The following STK26 variants were observed in gnomAD, a reference collection of about 807,000 sequenced individuals.
The protein encoded by STK26 is serine/threonine kinase 26, also known as serine/threonine-protein kinase 26.
Under a neutral mutation model 34.7 loss-of-function variants are expected in STK26, and 14 were observed. The ratio of observed to expected loss-of-function variants is 0.40; its 90% confidence interval spans 0.27 to 0.63. STK26 has a LOEUF of 0.63. STK26 is among the 30% of genes least tolerant of loss of function. The probability of loss-of-function intolerance (pLI) is 0.38; values close to 1 mark genes in which losing one functional copy is unlikely to be tolerated. For missense variants in STK26, 226 were observed against 309.1 expected (o/e 0.73, Z 2.02); for synonymous variants, 100 against 109.8 (o/e 0.91, Z 0.56).
At chrX:132,034,521 C>T (rs1319243377) in intron 2 of STK26, among the ~76,000 whole-genome samples, 1 of 109,527 alleles carries the variant, frequency 9.1e-6, no homozygotes, top group Non-Finnish European at 1.9e-5. Flanking sequence ...GTCTCGATCT[C>T]CTGACCTCGT....
At chrX:132,050,210 T>G (rs1569331580) in intron 2 of STK26, among the ~76,000 whole-genome samples, 2 of 111,605 alleles carry the variant, frequency 1.8e-5, no homozygotes, top group East Asian at 5.6e-4. Context: ...TGACCCATTT[T>G]CTACTAACTA....
chrX:132,069,631 A>G lies in STK26; in HGVS notation c.751A>G (p.Ile251Val). ...GDFTKSFKEF[I>V]DACLNKDPSF... ...CTTTACTAAGTCTTTTAAGGAGTTT[A>G]TTGATGCTTGCCTGAACAAAGATCC... is the stretch of plus-strand genomic sequence containing the variant. Residue 251 changes from isoleucine (I) to valine (V), a missense_variant, in exon 7 of 12, where the codon ATT becomes GTT. Physicochemically the swap from Ile to Val is conservative, Grantham distance 29 (BLOSUM62 3). This residue lies in a region of STK26 where 126 missense variants were observed against 132.4 expected (regional missense o/e 0.95). Transcript: ENST00000394334. 8.7e-7 allele frequency: 1 copy of G among 1,152,044 alleles called. No individual in the cohort carries two copies. The highest frequency in any genetic ancestry group is 1.2e-6 in the Non-Finnish European group (1 of 867,338). The allele number at this position is 1,152,044 out of a possible 1,213,427, so 94.9% of individuals were successfully genotyped here. A position where few individuals can be genotyped will look rare whatever the true frequency, so the allele number is the denominator to read the frequency against.
At chrX:132,046,085 G>A (rs1926489488) in intron 2 of STK26, among the ~76,000 whole-genome samples, 1 of 111,943 alleles carries the variant, frequency 8.9e-6, no homozygotes, top group South Asian at 3.7e-4. Context: ...AATGTGATAT[G>A]TGGTTAAGTG....
At chrX:132,031,111 A>AT (rs991461125) in intron 2 of STK26, among the ~76,000 whole-genome samples, 1 of 110,137 alleles carries the variant, frequency 9.1e-6, no homozygotes, top group East Asian at 2.9e-4. Context: ...TAATTTTTGT[A>AT]TTTTTTTGTA....
intron 2 of STK26, 41 bp from the exon 3 acceptor site, chrX:132,054,590 C>T: frequency 9.1e-7 from 1 of 1,102,079 alleles, no homozygotes; most frequent in Non-Finnish European, 1.2e-6. Context: ...TGATTCAAAA[C>T]ATTTGTGTTC....
Position 132,054,664 on chromosome X carries a change from A to G in STK26, c.76A>G (p.Lys26Glu), listed in dbSNP as rs1926797486. 2 of 1,210,285 alleles carry G rather than the reference A, an allele frequency of 1.7e-6. No individual in the cohort carries two copies. Among genetic ancestry groups the G allele is most frequent in the East Asian group, 3.0e-5 (1 of 33,792 alleles). Reference sequence around the variant, plus strand: ...AGCTGATCCAGAAGAACTGTTCACAAAATTAGAGCGCATTGGGAAAGGCTC... The same window carrying G: ...AGCTGATCCAGAAGAACTGTTCACAGAATTAGAGCGCATTGGGAAAGGCTC... Reference protein sequence around the residue: ...NIADPEELFTKLERIGKGSFG... With the variant: ...NIADPEELFTELERIGKGSFG... Residue 26 changes from lysine to glutamate, a missense_variant, in exon 3 of 12, where the codon AAA (lysine) becomes GAA (glutamate). By Grantham distance (56) the Lys-to-Glu change is moderately conservative. Coordinates refer to ENST00000394334, the MANE Select transcript of STK26 (RefSeq NM_016542.4).
At chrX:132,060,611 T>G (rs1229789210) in intron 3 of STK26, among the ~76,000 whole-genome samples, 1 of 109,508 alleles carries the variant, frequency 9.1e-6, no homozygotes. Flanking sequence ...TTTTGTTTTG[T>G]TTTTTTGTTT....
At chrX:132,053,256 G>A (rs1279419473) in intron 2 of STK26, among the ~76,000 whole-genome samples, 2 of 111,699 alleles carry the variant, frequency 1.8e-5, no homozygotes, top group Non-Finnish European at 3.8e-5. Context: ...TATATGGAAA[G>A]CACAACTTTT....
intron 2 of STK26, among the ~76,000 whole-genome samples, chrX:132,044,671 C>CTATATA (rs1247702257): frequency 2.3e-4 from 9 of 38,436 alleles, no homozygotes; most frequent in South Asian, 1.2e-3. Flanking sequence ...CTCTCGAGAT[C>CTATATA]TATATATATA....
At chrX:132,048,360 A>AG (rs1926571649) in intron 2 of STK26, among the ~76,000 whole-genome samples, 3 of 111,940 alleles carry the variant, frequency 2.7e-5, no homozygotes, top group Non-Finnish European at 5.6e-5. Flanking sequence ...GATAGTACAG[A>AG]GTAGACATTA....
At chrX:132,043,074 T>C (rs1926322837) in intron 2 of STK26, among the ~76,000 whole-genome samples, 1 of 112,024 alleles carries the variant, frequency 8.9e-6, no homozygotes. Flanking sequence ...GTTAATAATT[T>C]AGTGCTGTGC....
chrX:132,073,909 T>A lies in STK26; in HGVS notation c.1227-226T>A, dbSNP rs1338473168. 2.7e-5 allele frequency among the ~76,000 whole-genome samples: 3 copies of A among 111,701 alleles called. No individual in the cohort carries two copies. The East Asian group carries it at 8.4e-4, about 31-fold the overall frequency. ...TAACCCCCTCTTAAAATCCCTTATA[T>A]TTTAATGAAAACCCCCCATTTGAAA... On this transcript the variant is annotated intron_variant, in intron 11 of 11. Coordinates refer to ENST00000394334, the MANE Select transcript of STK26 (RefSeq NM_016542.4).
intron 2 of STK26, among the ~76,000 whole-genome samples, chrX:132,023,970 G>T (rs1028667489): frequency 5.4e-5 from 6 of 110,826 alleles, no homozygotes. Context: ...GGTTGGGGAT[G>T]GGGGGGCGGA....
chrX:132,042,324 T>C (rs1223594291), intron 2 of STK26, among the ~76,000 whole-genome samples: 2 of 111,208 alleles, frequency 1.8e-5, no homozygotes, highest in Admixed American at 9.6e-5. Flanking sequence ...ATGAGTGGTA[T>C]TCCCTATGCA....
intron 7 of STK26, 125 bp downstream of exon 7, chrX:132,069,788 C>T (rs1262871774): frequency 2.7e-6 from 1 of 368,083 alleles, no homozygotes; most frequent in African/African-American, 2.7e-5. Flanking sequence ...ATCCAGGAAC[C>T]TGGTTCGTCC....
chrX:132,062,207 G>A (rs969478925), intron 3 of STK26, among the ~76,000 whole-genome samples: 24 of 112,133 alleles, frequency 2.1e-4, no homozygotes, highest in African/African-American at 7.1e-4. Flanking sequence ...GTATAGTAAA[G>A]CCAACCATTC....
chrX:132,044,828 T>TAG (rs767044039), intron 2 of STK26, among the ~76,000 whole-genome samples: 2,574 of 53,010 alleles, frequency 0.049, 261 homozygotes, highest in Middle Eastern at 0.086. Context: ...TTTATATATA[T>TAG]AGAGAGAGAT....
At chrX:132,027,560 GCACA>G (rs200381495) in intron 2 of STK26, among the ~76,000 whole-genome samples, 2 of 110,968 alleles carry the variant, frequency 1.8e-5, no homozygotes, top group African/African-American at 6.6e-5. Flanking sequence ...GTGAGTGCAT[GCACA>G]CACACACACA....
chrX:132,031,841 A>G (rs2124129432), intron 2 of STK26, among the ~76,000 whole-genome samples: 1 of 111,944 alleles, frequency 8.9e-6, no homozygotes, highest in South Asian at 3.7e-4. Flanking sequence ...TACTCCTATA[A>G]CATAGAGTGA....
Sources: gnomAD v4.1 joint callset for allele counts (sites outside exome capture counted in the v4.1 genomes callset) on GRCh38, gnomAD v4.1.1 for gene constraint, gnomAD v4.1.1 regional missense constraint, MANE v1.5 for transcripts, NCBI Gene and HGNC (gene_info 2026-07-23, HGNC 2026-07-21) for gene names.